ZNF420: variants seen among roughly 807,000 people sequenced by gnomAD.
ZNF420 encodes zinc finger protein 420.
A neutral mutation model predicts 44.7 loss-of-function variants in ZNF420; 31 were observed. The observed-to-expected ratio is 0.69, with a 90% confidence interval of 0.52 to 0.94. The LOEUF is 0.94. Among genes scored for constraint, ZNF420 ranks in the 40% least tolerant of loss-of-function variants. ZNF420 has a pLI of 0.00. For missense variants in ZNF420, 681 were observed against 827.9 expected (o/e 0.82, Z 2.18); for synonymous variants, 245 against 267.4 (o/e 0.92, Z 0.82).
chr19:37,016,987 C>T (rs1287799361), intron 1 of ZNF420, among the ~76,000 whole-genome samples: 1 of 152,204 alleles, frequency 6.6e-6, no homozygotes, highest in Non-Finnish European at 1.5e-5. Flanking sequence ...CAGAGAGAGA[C>T]TTTTGCCAAT....
chr19:37,114,515 G>T (rs1310794761), intron 4 of ZNF420, among the ~76,000 whole-genome samples: 1 of 152,052 alleles, frequency 6.6e-6, no homozygotes, highest in East Asian at 1.9e-4. Flanking sequence ...TGAACTGCTG[G>T]GAGAGGAGTT....
intron 4 of ZNF420, chr19:37,108,331 C>T (rs1970207330): frequency 6.6e-6 from 1 of 152,188 alleles, no homozygotes; most frequent in Non-Finnish European, 1.5e-5. Flanking sequence ...CACTGTCGGT[C>T]CATGGACACA....
intron 1 of ZNF420, among the ~76,000 whole-genome samples, chr19:37,036,586 G>A (rs995199432): frequency 2.0e-5 from 3 of 152,132 alleles, no homozygotes; most frequent in Non-Finnish European, 4.4e-5. Context: ...TTGGTTCATA[G>A]ATATTTTGAG....
intron 1 of ZNF420, among the ~76,000 whole-genome samples, chr19:37,049,725 G>T (rs376550932): frequency 1.3e-5 from 2 of 152,002 alleles, no homozygotes; most frequent in African/African-American, 4.8e-5. Flanking sequence ...GTTTAATTAG[G>T]TCCCATTTGT....
chr19:37,103,072 TAACTA>T (rs1419752619), intron 4 of ZNF420, among the ~76,000 whole-genome samples: 10 of 152,268 alleles, frequency 6.6e-5, no homozygotes, highest in Non-Finnish European at 1.5e-4. Context: ...TTAATTCTCT[TAACTA>T]TAGTATTTCT....
At chr19:37,021,239 G>T (rs185796720) in intron 1 of ZNF420, among the ~76,000 whole-genome samples, 2 of 152,258 alleles carry the variant, frequency 1.3e-5, no homozygotes, top group Non-Finnish European at 2.9e-5. Flanking sequence ...TAGACAATGA[G>T]TGTGCTAATC....
chr19:37,026,499 A>G (rs984636270), intron 1 of ZNF420, among the ~76,000 whole-genome samples: 2 of 152,050 alleles, frequency 1.3e-5, no homozygotes, highest in Non-Finnish European at 2.9e-5. Context: ...TTGTATTTTC[A>G]GTAGAGATGG....
chr19:37,127,444 C>T lies in ZNF420; in HGVS notation c.453C>T (p.Ala151=). Residue 151 remains alanine, a synonymous_variant, in exon 5 of 5, where the codon GCC becomes GCT. Coordinates refer to ENST00000337995, the MANE Select transcript of ZNF420 (RefSeq NM_144689.5). ...AATGTGGGAAAGCCTTCAGACGAGC[C>T]TCACACCTAACACAACATCAAAGTA... ...CKECGKAFRR[A]SHLTQHQSIH... is the part of the protein sequence containing the mutation. The T allele has an allele frequency of 6.2e-7, 1 of 1,614,058 alleles. No individual in the cohort carries two copies. The highest frequency in any genetic ancestry group is 1.3e-5 in the African/African-American group (1 of 75,040).
chr19:37,038,272 C>T (rs545152784), intron 1 of ZNF420, among the ~76,000 whole-genome samples: 7 of 152,292 alleles, frequency 4.6e-5, no homozygotes, highest in Admixed American at 4.6e-4. Context: ...TTCATCAAGT[C>T]GTAATCATTT....
chr19:37,112,770 T>C (rs1056705105), intron 4 of ZNF420, among the ~76,000 whole-genome samples: 5 of 152,194 alleles, frequency 3.3e-5, no homozygotes, highest in African/African-American at 9.6e-5. Context: ...TAATAACCAA[T>C]TGAATTTCGA....
chr19:37,077,706 G>T (rs1968193991), upstream of ZNF420, among the ~76,000 whole-genome samples: 1 of 152,044 alleles, frequency 6.6e-6, no homozygotes, highest in Admixed American at 6.6e-5. Flanking sequence ...TGAAATACAA[G>T]CACAAAGAAA....
chr19:37,051,121 G>C (rs577008145), intron 1 of ZNF420, among the ~76,000 whole-genome samples: 1 of 152,306 alleles, frequency 6.6e-6, no homozygotes, highest in South Asian at 2.1e-4. Context: ...GATTTGGTTT[G>C]CCAGTATTTC....
intron 4 of ZNF420, among the ~76,000 whole-genome samples, chr19:37,094,944 A>T (rs893821549): frequency 6.6e-6 from 1 of 152,126 alleles, no homozygotes; most frequent in Non-Finnish European, 1.5e-5. Flanking sequence ...CATCCTGGCC[A>T]ACATGATGAA....
intron 1 of ZNF420, among the ~76,000 whole-genome samples, chr19:37,062,899 C>T (rs1967901603): frequency 6.6e-6 from 1 of 152,150 alleles, no homozygotes; most frequent in Non-Finnish European, 1.5e-5. Flanking sequence ...TCTGGAGGAA[C>T]TTTGTGGGGA....
intron 1 of ZNF420, among the ~76,000 whole-genome samples, chr19:37,015,843 G>A (rs1160643467): frequency 6.6e-6 from 1 of 152,188 alleles, no homozygotes; most frequent in African/African-American, 2.4e-5. Context: ...CCTCATTCCC[G>A]GAGCCACATG....
rs1971510627 is a variant in ZNF420 at position 37,128,859 on chromosome 19, C to G, written c.1868C>G (p.Ala623Gly). The stretch of plus-strand genomic sequence containing the variant: ...TATGAATGCAGAGAATGTAGAAAGG[C>G]CTTTACTCAGAGTTCACATCTTTCT... Reference protein sequence around the residue: ...KPYECRECRKAFTQSSHLSRH... With the variant: ...KPYECRECRKGFTQSSHLSRH... The change falls in exon 5 of 5, where the codon GCC (alanine) becomes GGC (glycine). Residue 623 changes from alanine (A) to glycine (G), a missense_variant. Transcript: ENST00000337995. The G allele has an allele frequency of 6.2e-7, 1 of 1,613,676 alleles. No homozygotes were observed. The highest frequency in any genetic ancestry group is 2.2e-5 in the East Asian group (1 of 44,852).
intron 1 of ZNF420, among the ~76,000 whole-genome samples, chr19:37,057,318 G>T (rs1002693995): frequency 2.6e-5 from 4 of 152,202 alleles, no homozygotes; most frequent in Non-Finnish European, 5.9e-5. Context: ...TTGAGGACAG[G>T]TCTGCCTGTG....
intron 4 of ZNF420, among the ~76,000 whole-genome samples, chr19:37,102,023 C>T (rs1231321249): frequency 6.6e-6 from 1 of 152,162 alleles, no homozygotes; most frequent in Non-Finnish European, 1.5e-5. Flanking sequence ...TTAGACTGGG[C>T]CCTCTCGGGA....
chr19:37,112,141 C>G (rs1970414193), intron 4 of ZNF420, among the ~76,000 whole-genome samples: 2 of 152,074 alleles, frequency 1.3e-5, no homozygotes, highest in African/African-American at 4.8e-5. Context: ...TTAGGAGGAT[C>G]TACAGTGGCC....
Sources: gnomAD v4.1 joint callset for allele counts (sites outside exome capture counted in the v4.1 genomes callset) on GRCh38, gnomAD v4.1.1 for gene constraint, MANE v1.5 for transcripts, NCBI Gene and HGNC (gene_info 2026-07-23, HGNC 2026-07-21) for gene names.